Variants in BIRC6 observed in about 807,000 individuals in gnomAD.
BIRC6 encodes the protein dual E2 ubiquitin-conjugating enzyme/E3 ubiquitin-protein ligase BIRC6.
BIRC6 carries 98 observed loss-of-function variants against 503.3 expected under a neutral mutation model. The observed-to-expected ratio is 0.19, with a 90% CI of 0.17 to 0.23. BIRC6 has a LOEUF of 0.23. Ranked by LOEUF, BIRC6 falls within the 10% of genes least tolerant of loss-of-function variation. BIRC6 has a pLI of 1.00. For missense variants in BIRC6, 5,360 were observed against 5,806.0 expected (o/e 0.92, Z 2.50); for synonymous variants, 2,240 against 2,078.7 (o/e 1.08, Z -2.11).
At chr2:32,570,602 G>A (rs566338145) in intron 65 of BIRC6, among the ~76,000 whole-genome samples, 4 of 151,858 alleles carry the variant, frequency 2.6e-5, no homozygotes, top group African/African-American at 4.8e-5. Context: ...GGGTTCAAGC[G>A]ATTCTCCTGC....
chr2:32,618,082 A>G lies in BIRC6; in HGVS notation c.*178A>G. The G allele has an allele frequency of 1.8e-6, 1 of 540,708 alleles. No homozygotes were observed. Among genetic ancestry groups the G allele is most frequent in the Non-Finnish European group, 2.9e-6 (1 of 339,790 alleles). 33.5% of individuals were successfully genotyped at this position (540,708 alleles called of 1,614,324 possible). Reference sequence around the variant, plus strand: ...TTTATTTACCTGTACAGGAGTGTAAACTTTTTTGTGCTTTTATTTTTCAAT... The same window carrying G: ...TTTATTTACCTGTACAGGAGTGTAAGCTTTTTTGTGCTTTTATTTTTCAAT... On this transcript the variant is annotated 3_prime_UTR_variant, in exon 74 of 74. Transcript: ENST00000421745.
rs866159642 is a variant in BIRC6, at chr2:32,531,197, G to A, written c.12095-158G>A. On this transcript the variant is annotated intron_variant, in intron 60 of 73. Transcript: ENST00000421745. ...TATCAGAAGTCATTTAAAGGTCATT[G>A]TACCGTCTAGCCATAATACAGCTAT... 8.0e-4 allele frequency among the ~76,000 whole-genome samples: 122 copies of A among 152,146 alleles called. 1 individual carries two copies. The highest frequency in any genetic ancestry group is 2.9e-3 in the African/African-American group (119 of 41,432).
rs139230100 is a variant in BIRC6 at position 32,615,791 on chromosome 2, C to T, written c.14395-1934C>T. 4.6e-5 allele frequency among the ~76,000 whole-genome samples: 7 copies of T among 152,226 alleles called. No homozygotes were observed. In the East Asian group the frequency reaches 1.4e-3, roughly 29 times the overall value. On this transcript the variant is annotated intron_variant, in intron 73 of 73. Coordinates refer to ENST00000421745, the MANE Select transcript of BIRC6 (RefSeq NM_016252.4). ...CTGGGACTACAGGCACACACCACCA[C>T]ACCCAGCTAATTTTTGTATTTTTTG...
At chr2:32,536,492 A>G (rs1256165435) in intron 61 of BIRC6, among the ~76,000 whole-genome samples, 1 of 152,208 alleles carries the variant, frequency 6.6e-6, no homozygotes, top group African/African-American at 2.4e-5. Context: ...TATAAGGTGT[A>G]AAGAAGGCAT....
intron 17 of BIRC6, 28 bp downstream of exon 17, chr2:32,441,490 C>T (rs183739156): frequency 6.3e-7 from 1 of 1,583,498 alleles, no homozygotes; most frequent in Non-Finnish European, 8.6e-7. Flanking sequence ...TCTTGTTATT[C>T]TTACAGTAAT....
intron 60 of BIRC6, 93 bp downstream of exon 60, chr2:32,529,917 T>C: frequency 2.4e-6 from 2 of 822,062 alleles, no homozygotes; most frequent in African/African-American, 1.8e-5. Flanking sequence ...TGTGTTTTTA[T>C]TATATCAACA....
intron 65 of BIRC6, among the ~76,000 whole-genome samples, chr2:32,570,505 T>A (rs1182691421): frequency 6.6e-6 from 1 of 151,454 alleles, no homozygotes; most frequent in African/African-American, 2.4e-5. Flanking sequence ...TGTTTGTTTG[T>A]TTGTTTGTTT....
chr2:32,609,828 G>A (rs952312668), intron 72 of BIRC6, among the ~76,000 whole-genome samples: 1 of 151,772 alleles, frequency 6.6e-6, no homozygotes, highest in African/African-American at 2.4e-5. Flanking sequence ...ACTCAGAGAA[G>A]GGGATGACTT....
intron 68 of BIRC6, among the ~76,000 whole-genome samples, chr2:32,597,408 GA>G (rs1323731844): frequency 6.6e-6 from 1 of 152,146 alleles, no homozygotes; most frequent in South Asian, 2.1e-4. Flanking sequence ...TTTATTTAAT[GA>G]AATCTTTGAG....
chr2:32,529,999 G>A (rs2056596486), intron 60 of BIRC6, among the ~76,000 whole-genome samples, 175 bp downstream of exon 60: 1 of 152,006 alleles, frequency 6.6e-6, no homozygotes, highest in South Asian at 2.1e-4. Flanking sequence ...TGGAAACTAA[G>A]TTGCATTATT....
In BIRC6 at chr2:32,414,925, C is replaced by T. The variant is rs557744351; in HGVS notation, c.1634C>T (p.Thr545Ile). 21 of 1,613,824 alleles carry T rather than the reference C, an allele frequency of 1.3e-5. No homozygotes were observed. The Admixed American group carries it at 2.5e-4, about 19-fold the overall frequency. Residue 545 changes from threonine to isoleucine, a missense_variant, in exon 10 of 74, where the codon ACA becomes ATA. Coordinates refer to ENST00000421745, the MANE Select transcript of BIRC6 (RefSeq NM_016252.4). ...GAACTTGGGGCAAATCCTTGTTTAA[C>T]AAACTCTAAGAGTGAAAAGACAAAG... ...LEELGANPCLTNSKSEKTKEK... is the reference protein window; with the variant it reads ...LEELGANPCLINSKSEKTKEK...
At chr2:32,453,638 C>T (rs771244516) in intron 22 of BIRC6, among the ~76,000 whole-genome samples, 170 bp from the exon 23 acceptor site, 51 of 152,278 alleles carry the variant, frequency 3.3e-4, no homozygotes, top group Non-Finnish European at 5.6e-4. Context: ...AAACTCGTGC[C>T]TGCTGTTTTG....
chr2:32,569,726 C>G (rs1342572959), intron 65 of BIRC6, among the ~76,000 whole-genome samples: 1 of 151,342 alleles, frequency 6.6e-6, no homozygotes, highest in Admixed American at 6.6e-5. Context: ...TGATTTAATC[C>G]TTGGCTAGAT....
At chr2:32,459,954 G>A (rs1356437881) in intron 23 of BIRC6, among the ~76,000 whole-genome samples, 1 of 150,824 alleles carries the variant, frequency 6.6e-6, no homozygotes, top group Non-Finnish European at 1.5e-5. Flanking sequence ...GTAGTTTATA[G>A]TTTGCAGTTT....
chr2:32,573,630 C>T (rs541482932), intron 65 of BIRC6, among the ~76,000 whole-genome samples: 1 of 152,266 alleles, frequency 6.6e-6, no homozygotes, highest in Non-Finnish European at 1.5e-5. Flanking sequence ...TTATAAAAGC[C>T]TTAGAAGCAA....
At chr2:32,540,332 T>C (rs2057560285) in intron 61 of BIRC6, among the ~76,000 whole-genome samples, 1 of 152,082 alleles carries the variant, frequency 6.6e-6, no homozygotes, top group Non-Finnish European at 1.5e-5. Context: ...AGACATCACA[T>C]GGTTGGAATA....
chr2:32,397,600 GTGTGTA>G (rs1258972068), intron 6 of BIRC6, among the ~76,000 whole-genome samples: 4 of 139,056 alleles, frequency 2.9e-5, no homozygotes, highest in African/African-American at 8.5e-5. Flanking sequence ...GTGTGTGTGT[GTGTGTA>G]TATATGTGTG....
chr2:32,401,627 T>C lies in BIRC6; in HGVS notation c.1418+4T>C, dbSNP rs775424222. Reference sequence around the variant, plus strand: ...TACCAAAATTGGAAGGAGATAGGTATGTGAGTTTGTTTTAGTAGTATTTAA... The same window carrying C: ...TACCAAAATTGGAAGGAGATAGGTACGTGAGTTTGTTTTAGTAGTATTTAA... On this transcript the variant is annotated splice_donor_region_variant and intron_variant, in intron 8 of 73. Coordinates refer to ENST00000421745, the MANE Select transcript of BIRC6 (RefSeq NM_016252.4). 4.4e-5 allele frequency: 71 copies of C among 1,609,198 alleles called. No individual in the cohort carries two copies. In the East Asian group the frequency reaches 1.1e-3, roughly 25 times the overall value.
chr2:32,465,185 A>ATTTTTTTTTTTTTT, intron 26 of BIRC6, 21 bp downstream of exon 26: 1 of 847,166 alleles, frequency 1.2e-6, no homozygotes, highest in South Asian at 2.2e-5. Context: ...ACTTTCTTAA[A>ATTTTTTTTTTTTTT]TTTTTTTTTT....
Sources: gnomAD v4.1 joint callset for allele counts (sites outside exome capture counted in the v4.1 genomes callset) on GRCh38, gnomAD v4.1.1 for gene constraint, MANE v1.5 for transcripts, NCBI Gene and HGNC (gene_info 2026-07-23, HGNC 2026-07-21) for gene names.